Variants in MAF observed in about 807,000 individuals in gnomAD.
MAF encodes the protein transcription factor Maf.
MAF carries 10 observed loss-of-function variants against 22.0 expected under a neutral mutation model. The ratio of observed to expected loss-of-function variants is 0.45; its 90% CI spans 0.28 to 0.77. The LOEUF (loss-of-function observed/expected upper bound fraction) is 0.77, where lower values mean the gene tolerates loss of function less well. Ranked by LOEUF, MAF falls within the 30% of genes least tolerant of loss-of-function variation. The probability of loss-of-function intolerance (pLI) is 0.12; values close to 1 mark genes in which losing one functional copy is unlikely to be tolerated. For missense variants in MAF, 544 were observed against 548.4 expected, an observed-to-expected ratio of 0.99 and a Z score of 0.08; for synonymous variants, 337 against 255.8, an observed-to-expected ratio of 1.32 and a Z score of -3.03.
the MAF span, among the ~76,000 whole-genome samples, chr16:79,580,806 T>A: frequency 1.5e-5 from 1 of 67,406 alleles, no homozygotes; most frequent in African/African-American, 3.1e-5. Context: ...TGTTCCAGGC[T>A]TTAAAAGGAG....
the MAF span, among the ~76,000 whole-genome samples, chr16:79,432,178 G>C: frequency 1.3e-5 from 2 of 152,114 alleles, no homozygotes; most frequent in African/African-American, 2.4e-5. Flanking sequence ...AGATCTGATG[G>C]TTTTAGAAGC....
chr16:79,524,566 G>A, the MAF span, among the ~76,000 whole-genome samples: 6 of 152,174 alleles, frequency 3.9e-5, no homozygotes, highest in African/African-American at 1.4e-4. Context: ...ACCCTTCATA[G>A]GTTCCTCCAT....
chr16:79,203,039 A>G, the MAF span: 1 of 152,212 alleles, frequency 6.6e-6, no homozygotes, highest in Admixed American at 6.5e-5. Context: ...AATGCTCACT[A>G]ACACCGAGGC....
chr16:79,368,353 T>A, the MAF span, among the ~76,000 whole-genome samples: 1 of 152,062 alleles, frequency 6.6e-6, no homozygotes, highest in African/African-American at 2.4e-5. Context: ...GGGTAGACAT[T>A]ATCTAATTTT....
chr16:79,420,199 T>A, the MAF span, among the ~76,000 whole-genome samples: 2 of 152,198 alleles, frequency 1.3e-5, no homozygotes, highest in African/African-American at 4.8e-5. Context: ...TCAATAAGAT[T>A]GATCCCTCAG....
At chr16:79,513,335 T>C in the MAF span, among the ~76,000 whole-genome samples, 2 of 152,210 alleles carry the variant, frequency 1.3e-5, no homozygotes, top group African/African-American at 4.8e-5. Context: ...GCCAAAAGCG[T>C]GTCACAAAAC....
the MAF span, among the ~76,000 whole-genome samples, chr16:79,522,897 C>T: frequency 6.6e-6 from 1 of 152,198 alleles, no homozygotes; most frequent in Non-Finnish European, 1.5e-5. Flanking sequence ...ACAGTGCTGG[C>T]ATATCCCTGA....
At chr16:79,425,573 C>T in the MAF span, among the ~76,000 whole-genome samples, 58 of 152,254 alleles carry the variant, frequency 3.8e-4, no homozygotes, top group African/African-American at 1.4e-3. Context: ...TCAGTTAATA[C>T]CCAAATAATG....
the MAF span, among the ~76,000 whole-genome samples, chr16:79,260,171 G>A: frequency 6.6e-6 from 1 of 152,280 alleles, no homozygotes; most frequent in African/African-American, 2.4e-5. Flanking sequence ...TTTATTTTGA[G>A]ACAGGGTCTC....
chr16:79,306,346 A>T, the MAF span, among the ~76,000 whole-genome samples: 6 of 152,166 alleles, frequency 3.9e-5, no homozygotes, highest in Admixed American at 3.9e-4. Flanking sequence ...GCTGTAATGG[A>T]TGAGGAAACC....
At chr16:79,522,141 G>A in the MAF span, among the ~76,000 whole-genome samples, 1 of 152,196 alleles carries the variant, frequency 6.6e-6, no homozygotes, top group Non-Finnish European at 1.5e-5. Flanking sequence ...CAGAGGGGTT[G>A]AGCATCTTGC....
chr16:79,578,613 A>T, the MAF span, among the ~76,000 whole-genome samples: 1 of 152,200 alleles, frequency 6.6e-6, no homozygotes, highest in Non-Finnish European at 1.5e-5. Flanking sequence ...AATAAATAAC[A>T]CTTATCTCCC....
At chr16:79,550,493 T>G in the MAF span, among the ~76,000 whole-genome samples, 1 of 152,106 alleles carries the variant, frequency 6.6e-6, no homozygotes, top group African/African-American at 2.4e-5. Context: ...AAACCTCACA[T>G]TGAAACAGCT....
the MAF span, among the ~76,000 whole-genome samples, chr16:79,413,607 G>A: frequency 2.6e-5 from 4 of 152,144 alleles, no homozygotes; most frequent in Admixed American, 2.0e-4. Context: ...GGATAAAAAT[G>A]AGACCTACTT....
the MAF span, among the ~76,000 whole-genome samples, chr16:79,545,649 T>A: frequency 1.3e-5 from 2 of 152,180 alleles, no homozygotes; most frequent in Admixed American, 1.3e-4. Flanking sequence ...CTATCTTTGA[T>A]CTCAATACTA....
At chr16:79,308,001 A>C in the MAF span, among the ~76,000 whole-genome samples, 3 of 152,230 alleles carry the variant, frequency 2.0e-5, no homozygotes, top group Non-Finnish European at 4.4e-5. Context: ...CTCTAAATTC[A>C]TTCATCTGCC....
At chr16:79,513,786 T>C in the MAF span, among the ~76,000 whole-genome samples, 1 of 152,200 alleles carries the variant, frequency 6.6e-6, no homozygotes, top group African/African-American at 2.4e-5. Flanking sequence ...ACACGTTCCA[T>C]ATATACTACC....
At chr16:79,478,508 C>A in the MAF span, among the ~76,000 whole-genome samples, 1 of 152,082 alleles carries the variant, frequency 6.6e-6, no homozygotes, top group Admixed American at 6.6e-5. Flanking sequence ...TGGGATAGGT[C>A]TTAGATGTGG....
At chr16:79,500,000 G>C in the MAF span, among the ~76,000 whole-genome samples, 1 of 152,174 alleles carries the variant, frequency 6.6e-6, no homozygotes, top group Non-Finnish European at 1.5e-5. Context: ...GACACATAGA[G>C]AGGTTATATA....
Sources: gnomAD v4.1 joint callset for allele counts (sites outside exome capture counted in the v4.1 genomes callset) on GRCh38, gnomAD v4.1.1 for gene constraint, MANE v1.5 for transcripts, NCBI Gene and HGNC (gene_info 2026-07-23, HGNC 2026-07-21) for gene names.